Variants in IGF1R observed in about 807,000 individuals in gnomAD.
IGF1R encodes the protein insulin-like growth factor 1 receptor.
IGF1R carries 44 observed loss-of-function variants against 144.6 expected under a neutral mutation model. The observed-to-expected ratio is 0.30, with a 90% confidence interval of 0.24 to 0.39. The LOEUF (loss-of-function observed/expected upper bound fraction) is 0.39. Among genes scored for constraint, IGF1R ranks in the 10% least tolerant of loss-of-function variants. The pLI is 1.00. For synonymous variants in IGF1R, 795 were observed against 722.8 expected, an observed-to-expected ratio of 1.10 and a Z score of -1.60; for missense variants, 1,355 against 1,833.7, an observed-to-expected ratio of 0.74 and a Z score of 4.77.
chr15:98,853,885 C>G (rs746098077), intron 2 of IGF1R, among the ~76,000 whole-genome samples: 2 of 152,090 alleles, frequency 1.3e-5, no homozygotes, highest in South Asian at 4.1e-4. Context: ...CCAGGATGTG[C>G]CAGAGCAGCC....
At chr15:98,725,651 C>G (rs962222270) in intron 2 of IGF1R, among the ~76,000 whole-genome samples, 1 of 152,232 alleles carries the variant, frequency 6.6e-6, no homozygotes, top group Non-Finnish European at 1.5e-5. Flanking sequence ...ACTGACCCCA[C>G]TCCCCGTCTG....
intron 2 of IGF1R, among the ~76,000 whole-genome samples, chr15:98,778,027 G>C (rs946965126): frequency 2.0e-5 from 3 of 152,224 alleles, no homozygotes; most frequent in Non-Finnish European, 4.4e-5. Context: ...GCATGACAGA[G>C]TGTTCAGCAA....
intron 2 of IGF1R, among the ~76,000 whole-genome samples, chr15:98,806,488 TAA>T (rs1205165223): frequency 6.9e-6 from 1 of 144,268 alleles, no homozygotes; most frequent in Non-Finnish European, 1.5e-5. Flanking sequence ...ATTTCTTGAT[TAA>T]AAAAAAAAAA....
At chr15:98,779,651 T>C (rs1401575067) in intron 2 of IGF1R, among the ~76,000 whole-genome samples, 1 of 152,202 alleles carries the variant, frequency 6.6e-6, no homozygotes, top group African/African-American at 2.4e-5. Context: ...TTAAATCATA[T>C]AATCCGCTTC....
rs746800123 is a variant in IGF1R at position 98,798,624 on chromosome 15, G to A, written c.640+90517G>A. Among the ~76,000 whole-genome samples, 7 of 152,134 alleles carry A rather than the reference G, an allele frequency of 4.6e-5. No individual in the cohort carries two copies. In the South Asian group the frequency reaches 1.0e-3, roughly 23 times the overall value. On this transcript the variant is annotated intron_variant, in intron 2 of 20. Coordinates refer to ENST00000650285, the MANE Select transcript of IGF1R (RefSeq NM_000875.5). ...GGAGAGAAGTAGTCAGAGTCTGGAA[G>A]CACCAGCAAGACTGTCTGGTGCACA...
intron 1 of IGF1R, among the ~76,000 whole-genome samples, chr15:98,692,493 C>A (rs938795167): frequency 6.6e-6 from 1 of 152,164 alleles, no homozygotes; most frequent in Non-Finnish European, 1.5e-5. Flanking sequence ...CAGGCATGAG[C>A]CACTATGCTC....
intron 19 of IGF1R, among the ~76,000 whole-genome samples, chr15:98,946,597 A>AGG (rs769625793): frequency 5.3e-5 from 8 of 152,206 alleles, no homozygotes; most frequent in Non-Finnish European, 8.8e-5. Context: ...GACTCCGAGG[A>AGG]GGCCAAGGGC....
chr15:98,957,552 A>G lies in IGF1R; in HGVS notation c.*110A>G. 2.1e-6 allele frequency: 3 copies of G among 1,424,678 alleles called. No individual in the cohort carries two copies. The highest frequency in any genetic ancestry group is 1.2e-5 in the South Asian group (1 of 85,144). The allele number at this position is 1,424,678 out of a possible 1,614,324, so 88.3% of individuals were successfully genotyped here. ...TCACAAGCCTCCTGTACCTCAGTGG[A>G]TCTTCAGAACTGCCCTTGCTGCCCG... On this transcript the variant is annotated 3_prime_UTR_variant, in exon 21 of 21. Transcript: ENST00000650285.
chr15:98,844,107 T>G (rs767030527), intron 2 of IGF1R, among the ~76,000 whole-genome samples: 5 of 152,222 alleles, frequency 3.3e-5, no homozygotes, highest in African/African-American at 7.2e-5. Flanking sequence ...TAGATAAGTC[T>G]GGGCGGCAGT....
intron 2 of IGF1R, among the ~76,000 whole-genome samples, chr15:98,786,594 G>A (rs1477490872): frequency 6.6e-6 from 1 of 152,114 alleles, no homozygotes; most frequent in Non-Finnish European, 1.5e-5. Context: ...TAAGGAACCT[G>A]GAAACACAGG....
intron 2 of IGF1R, among the ~76,000 whole-genome samples, chr15:98,879,392 C>T (rs2013254557): frequency 6.6e-6 from 1 of 152,084 alleles, no homozygotes; most frequent in African/African-American, 2.4e-5. Flanking sequence ...TCTAAGGAGG[C>T]TTTCTGTGCT....
intron 2 of IGF1R, among the ~76,000 whole-genome samples, chr15:98,715,139 G>T (rs1430227968): frequency 1.3e-5 from 2 of 152,210 alleles, no homozygotes; most frequent in Non-Finnish European, 2.9e-5. Flanking sequence ...TCATTGCTAT[G>T]CCTTTTATAG....
intron 6 of IGF1R, among the ~76,000 whole-genome samples, chr15:98,909,263 T>A (rs1277000747): frequency 8.2e-6 from 1 of 121,620 alleles, no homozygotes; most frequent in African/African-American, 4.2e-5. Context: ...TTTTTTTTCT[T>A]TTTTTTTTTT....
At chr15:98,876,108 T>G (rs2013047155) in intron 2 of IGF1R, among the ~76,000 whole-genome samples, 1 of 152,114 alleles carries the variant, frequency 6.6e-6, no homozygotes, top group South Asian at 2.1e-4. Context: ...AGTAGATATT[T>G]AATGGTTTGG....
At position 98,957,558 on chromosome 15, in the gene IGF1R, A is replaced by C; in HGVS notation, c.*116A>C. On this transcript the variant is annotated 3_prime_UTR_variant, in exon 21 of 21. Coordinates refer to ENST00000650285, the MANE Select transcript of IGF1R (RefSeq NM_000875.5). ...GCCTCCTGTACCTCAGTGGATCTTC[A>C]GAACTGCCCTTGCTGCCCGCGGGAG... 1.5e-6 allele frequency: 2 copies of C among 1,359,996 alleles called. No homozygotes were observed. Among genetic ancestry groups the C allele is most frequent in the South Asian group, 1.2e-5 (1 of 83,346 alleles). The allele number at this position is 1,359,996 out of a possible 1,614,324, so 84.2% of individuals were successfully genotyped here.
Position 98,956,202 on chromosome 15 carries a change from A to G in IGF1R, c.3723-859A>G, listed in dbSNP as rs147202213. 1.3e-4 allele frequency among the ~76,000 whole-genome samples: 20 copies of G among 152,328 alleles called. 2 individuals carry two copies. In the East Asian group the frequency reaches 3.7e-3, roughly 28 times the overall value. On this transcript the variant is annotated intron_variant, in intron 20 of 20. Coordinates refer to ENST00000650285, the MANE Select transcript of IGF1R (RefSeq NM_000875.5). ...CAGCCGGCAGGACTCCCTTTGCTCC[A>G]TGTGACTCTGAGGGCCTCACAGGTA...
chr15:98,649,965 G>A (rs746499960), intron 1 of IGF1R, among the ~76,000 whole-genome samples: 2 of 152,202 alleles, frequency 1.3e-5, no homozygotes, highest in Non-Finnish European at 1.5e-5. Context: ...CTAGGCGCGA[G>A]GACTCGGTAG....
At chr15:98,728,808 C>T (rs2054428019) in intron 2 of IGF1R, among the ~76,000 whole-genome samples, 1 of 152,240 alleles carries the variant, frequency 6.6e-6, no homozygotes, top group Admixed American at 6.5e-5. Flanking sequence ...AAGCCAGCAC[C>T]TTTATCCTAT....
intron 1 of IGF1R, among the ~76,000 whole-genome samples, chr15:98,684,799 G>A (rs1045561131): frequency 1.3e-5 from 2 of 152,048 alleles, no homozygotes; most frequent in Admixed American, 6.6e-5. Flanking sequence ...TCTATCCAGC[G>A]CTAATATTTA....
Sources: allele counts gnomAD v4.1 joint callset (sites outside exome capture counted in the v4.1 genomes callset), GRCh38; gene constraint gnomAD v4.1.1; transcripts MANE v1.5; gene names NCBI Gene and HGNC (gene_info 2026-07-23, HGNC 2026-07-21).